The following CPAP variants were observed in gnomAD, a reference collection of about 807,000 sequenced individuals.
CPAP encodes the protein centrosome assembly and centriole elongation protein.
chr13:24,905,586 T>C, the CPAP span: 6 of 1,614,228 alleles, frequency 3.7e-6, no homozygotes, highest in Admixed American at 3.3e-5. Context: ...GTCCCATAAG[T>C]GGATTCATTC....
At chr13:24,904,205 GA>G in the CPAP span, 18 of 924,646 alleles carry the variant, frequency 1.9e-5, no homozygotes, top group Admixed American at 5.1e-5. Flanking sequence ...ACATGAAAAG[GA>G]AAAAAAATTA....
the CPAP span, chr13:24,911,946 C>T: frequency 1.2e-6 from 2 of 1,614,016 alleles, no homozygotes; most frequent in Non-Finnish European, 1.7e-6. Context: ...CAAAGCATAC[C>T]TGGAAGTGTG....
At chr13:24,918,459 G>C in the CPAP span, among the ~76,000 whole-genome samples, 2 of 152,188 alleles carry the variant, frequency 1.3e-5, no homozygotes, top group Non-Finnish European at 2.9e-5. Context: ...AAATCTAAGT[G>C]TAACTTTGAC....
the CPAP span, among the ~76,000 whole-genome samples, chr13:24,900,785 C>T: frequency 6.6e-6 from 1 of 152,168 alleles, no homozygotes; most frequent in Non-Finnish European, 1.5e-5. Context: ...CAATGGGGTC[C>T]TGGTGGAGAG....
At chr13:24,904,650 G>C in the CPAP span, among the ~76,000 whole-genome samples, 50,896 of 152,022 alleles carry the variant, frequency 0.33, 9,141 homozygotes, top group Admixed American at 0.42. Flanking sequence ...AAATGGCATA[G>C]CAGTTACTTT....
the CPAP span, among the ~76,000 whole-genome samples, chr13:24,884,877 C>T: frequency 3.3e-5 from 5 of 152,312 alleles, no homozygotes; most frequent in Non-Finnish European, 4.4e-5. Flanking sequence ...CCCTCATCAC[C>T]TCTAACCTGT....
the CPAP span, chr13:24,906,630 GAGAA>G: frequency 6.2e-7 from 1 of 1,614,232 alleles, no homozygotes; most frequent in Non-Finnish European, 8.5e-7. Flanking sequence ...AATCCTGACG[GAGAA>G]AGACTTTTCC....
At chr13:24,907,783 C>T in the CPAP span, among the ~76,000 whole-genome samples, 1 of 152,066 alleles carries the variant, frequency 6.6e-6, no homozygotes, top group Non-Finnish European at 1.5e-5. Flanking sequence ...TGATTTTATC[C>T]AGATGTTTCT....
the CPAP span, among the ~76,000 whole-genome samples, chr13:24,920,360 C>T: frequency 3.9e-5 from 6 of 152,148 alleles, no homozygotes; most frequent in Non-Finnish European, 7.3e-5. Flanking sequence ...TTTTTGCCAT[C>T]GCTCCCTGGT....
chr13:24,926,603 C>T, the CPAP span, among the ~76,000 whole-genome samples: 2 of 152,298 alleles, frequency 1.3e-5, no homozygotes, highest in East Asian at 3.9e-4. Context: ...CCTCCTCCCT[C>T]AGCCCCACTG....
At chr13:24,933,657 G>A in the CPAP span, 4 of 152,454 alleles carry the variant, frequency 2.6e-5, no homozygotes, top group Non-Finnish European at 5.9e-5. Context: ...TGAACTTGTA[G>A]GCCTGGCAGT....
chr13:24,908,910 T>A, the CPAP span, among the ~76,000 whole-genome samples: 1 of 152,230 alleles, frequency 6.6e-6, no homozygotes, highest in African/African-American at 2.4e-5. Context: ...TGATGCATAC[T>A]GAAATATTTG....
At chr13:24,933,230 C>A in the CPAP span, 2 of 981,902 alleles carry the variant, frequency 2.0e-6, no homozygotes, top group Non-Finnish European at 3.1e-6. Flanking sequence ...AGATTAGCAG[C>A]AGGAGAGAGT....
chr13:24,884,727 A>T, the CPAP span, among the ~76,000 whole-genome samples: 2 of 152,216 alleles, frequency 1.3e-5, no homozygotes, highest in Non-Finnish European at 1.5e-5. Flanking sequence ...TGTACAGGAA[A>T]GTCTAACTAC....
the CPAP span, among the ~76,000 whole-genome samples, chr13:24,923,244 G>T: frequency 1.5e-3 from 226 of 146,512 alleles, no homozygotes; most frequent in Non-Finnish European, 2.8e-3. Context: ...TTTGGGTTTT[G>T]TTTTTTTTTT....
At chr13:24,908,876 C>T in the CPAP span, among the ~76,000 whole-genome samples, 1 of 152,088 alleles carries the variant, frequency 6.6e-6, no homozygotes, top group Non-Finnish European at 1.5e-5. Flanking sequence ...TGTGGTTATA[C>T]AGATGAATGT....
the CPAP span, chr13:24,907,208 A>G: frequency 1.3e-6 from 2 of 1,560,870 alleles, no homozygotes; most frequent in Non-Finnish European, 1.8e-6. Context: ...TTAGAAACAG[A>G]AAGTTATTTA....
chr13:24,913,811 C>A, the CPAP span, among the ~76,000 whole-genome samples: 1 of 152,256 alleles, frequency 6.6e-6, no homozygotes, highest in Non-Finnish European at 1.5e-5. Flanking sequence ...TACATTGGCT[C>A]ATGCCATAAC....
the CPAP span, among the ~76,000 whole-genome samples, chr13:24,895,906 A>G: frequency 6.6e-6 from 1 of 152,224 alleles, no homozygotes; most frequent in African/African-American, 2.4e-5. Context: ...GGGGTTCTCA[A>G]TAAATTTGCT....
Sources: allele counts gnomAD v4.1 joint callset (sites outside exome capture counted in the v4.1 genomes callset), GRCh38; gene constraint gnomAD v4.1.1; transcripts MANE v1.5; gene names NCBI Gene and HGNC (gene_info 2026-07-23, HGNC 2026-07-21).